SYNE2: variants seen among roughly 807,000 people sequenced by gnomAD.
SYNE2 encodes the protein spectrin repeat containing nuclear envelope protein 2, also known as nesprin-2.
Under a neutral mutation model 856.3 loss-of-function variants are expected in SYNE2, and 431 were observed. That is an observed-to-expected ratio of 0.50 (90% CI 0.47 to 0.55). The LOEUF is 0.55. Ranked by LOEUF, SYNE2 falls within the 20% of genes least tolerant of loss-of-function variation. SYNE2 has a pLI of 0.00. For synonymous variants in SYNE2, 2,923 were observed against 2,872.3 expected, an observed-to-expected ratio of 1.02 and a Z score of -0.56; for missense variants, 8,129 against 8,023.2, an observed-to-expected ratio of 1.01 and a Z score of -0.50.
chr14:63,875,550 C>G (rs1358683466), intron 1 of SYNE2, among the ~76,000 whole-genome samples: 2 of 152,052 alleles, frequency 1.3e-5, no homozygotes, highest in Non-Finnish European at 2.9e-5. Flanking sequence ...CTAGCACGCC[C>G]ATGCTGTTGC....
At position 64,007,099 on chromosome 14, in the gene SYNE2, G is replaced by A; in HGVS notation, c.4454G>A (p.Arg1485Lys). ...KVLDEYEEEK[R>K]HLQEMANSLP... ...CTAGATGAATATGAAGAAGAGAAGA[G>A]ACATTTACAAGAAATGGCTAATTCT... The change falls in exon 31 of 116, where the codon AGA (arginine) becomes AAA (lysine). Residue 1485 changes from arginine (R) to lysine (K), a missense_variant. Around this residue, in one of 3 missense-constraint regions of SYNE2, gnomAD observed 2,422 missense variants for 2,357.4 expected, o/e 1.03. Coordinates refer to ENST00000555002, the MANE Select transcript of SYNE2 (RefSeq NM_182914.3). The A allele has an allele frequency of 1.2e-6, 2 of 1,613,666 alleles. No individual in the cohort carries two copies. The highest frequency in any genetic ancestry group is 1.7e-6 in the Non-Finnish European group (2 of 1,179,656).
chr14:64,001,197 T>G (rs2096752169), intron 28 of SYNE2, among the ~76,000 whole-genome samples: 1 of 152,246 alleles, frequency 6.6e-6, no homozygotes, highest in Non-Finnish European at 1.5e-5. Context: ...TTATTATCAG[T>G]AGTGCCTATT....
chr14:64,168,827 C>T (rs1321522413), intron 92 of SYNE2, 50 bp from the exon 93 acceptor site: 1 of 1,257,986 alleles, frequency 7.9e-7, no homozygotes, highest in Non-Finnish European at 1.2e-6. Context: ...TTCCGAGATT[C>T]ATAAAATGAA....
At chr14:64,193,915 G>C (rs1243741665) in intron 99 of SYNE2, among the ~76,000 whole-genome samples, 2 of 152,176 alleles carry the variant, frequency 1.3e-5, no homozygotes, top group African/African-American at 4.8e-5. Context: ...GCTCAGAGAA[G>C]GTAAATAATT....
At chr14:64,183,771 A>T (rs1567576229) in intron 96 of SYNE2, among the ~76,000 whole-genome samples, 1 of 151,904 alleles carries the variant, frequency 6.6e-6, no homozygotes, top group African/African-American at 2.4e-5. Context: ...CGAAAACCAG[A>T]CAGACGTGGT....
At chr14:64,209,712 C>A in intron 102 of SYNE2, 134 bp downstream of exon 102, 1 of 1,337,556 alleles carries the variant, frequency 7.5e-7, no homozygotes, top group Non-Finnish European at 1.0e-6. Context: ...CACAGCCTGC[C>A]CCCAGCTGCT....
At position 63,998,967 on chromosome 14, in the gene SYNE2, G is replaced by T. The variant is rs770988447; in HGVS notation, c.3407G>T (p.Arg1136Met). Residue 1136 changes from arginine (R) to methionine (M), a missense_variant, in exon 27 of 116, where the codon AGG becomes ATG. Arg to Met is a moderately conservative substitution (Grantham distance 91, BLOSUM62 -1). Transcript: ENST00000555002. ...CACCACCTGCAAAACAACAAATTCA[G>T]GATTACTTCTGATTTCTCTAGTGAA... is the stretch of plus-strand genomic sequence containing the variant. ...LEHHLQNNKF[R>M]ITSDFSSEED... is the part of the protein sequence containing the mutation. 15 of 1,613,954 alleles carry T rather than the reference G, an allele frequency of 9.3e-6. No individual in the cohort carries two copies. The highest frequency in any genetic ancestry group is 6.7e-5 in the African/African-American group (5 of 74,928).
intron 6 of SYNE2, among the ~76,000 whole-genome samples, chr14:63,942,519 G>A (rs1164843720): frequency 2.6e-5 from 4 of 151,186 alleles, no homozygotes; most frequent in Admixed American, 1.3e-4. Flanking sequence ...TTTTGAGGTG[G>A]AGTTTTGCTC....
At chr14:63,780,079 T>C (rs1232147643) in intron 1 of SYNE2, among the ~76,000 whole-genome samples, 2 of 152,164 alleles carry the variant, frequency 1.3e-5, no homozygotes, top group Admixed American at 6.5e-5. Context: ...TATTTTAAAA[T>C]CAATGACATT....
chr14:63,811,986 G>A (rs1224168040), intron 1 of SYNE2, among the ~76,000 whole-genome samples: 1 of 152,154 alleles, frequency 6.6e-6, no homozygotes, highest in Non-Finnish European at 1.5e-5. Flanking sequence ...TCTATGTTCA[G>A]CTATACACGT....
chr14:64,088,512 T>C (rs893136957), intron 58 of SYNE2, among the ~76,000 whole-genome samples: 52 of 152,346 alleles, frequency 3.4e-4, no homozygotes, highest in African/African-American at 1.2e-3. Context: ...GGCTCACGCC[T>C]GTAATCCCAG....
chr14:64,209,632 C>T, intron 102 of SYNE2, 54 bp downstream of exon 102: 1 of 1,606,702 alleles, frequency 6.2e-7, no homozygotes, highest in South Asian at 1.1e-5. Flanking sequence ...TGCAGCGAGC[C>T]TGGGGGCTGC....
At chr14:64,199,010 T>C (rs1215017500) in intron 99 of SYNE2, among the ~76,000 whole-genome samples, 3 of 152,218 alleles carry the variant, frequency 2.0e-5, no homozygotes, top group African/African-American at 7.2e-5. Flanking sequence ...CCTCAGGGTC[T>C]GTGCAGGATC....
chr14:64,174,101 T>C (rs2098423290), intron 94 of SYNE2: 1 of 487,420 alleles, frequency 2.1e-6, no homozygotes, highest in African/African-American at 2.0e-5. Flanking sequence ...AGACAAAGCG[T>C]CACTCTGTCA....
At chr14:63,991,524 C>A (rs893315248) in intron 21 of SYNE2, among the ~76,000 whole-genome samples, 5 of 152,022 alleles carry the variant, frequency 3.3e-5, no homozygotes, top group South Asian at 2.1e-4. Context: ...GTAAAAAAAA[C>A]CATTATTATT....
intron 96 of SYNE2, among the ~76,000 whole-genome samples, chr14:64,183,943 G>T (rs547853257): frequency 1.6e-5 from 2 of 126,590 alleles, no homozygotes; most frequent in East Asian, 5.7e-4. Context: ...AGAGGGAGAC[G>T]TGGAAAGAAG....
intron 38 of SYNE2, chr14:64,023,251 T>TA (rs1010340061): frequency 2.2e-4 from 39 of 180,102 alleles, no homozygotes; most frequent in Middle Eastern, 2.6e-3. Context: ...CTGTCTCAAA[T>TA]AAAAAAGAAA....
At position 63,995,164 on chromosome 14, in the gene SYNE2, C is replaced by T. The variant is rs758515221; in HGVS notation, c.2902C>T (p.Arg968Cys). The T allele has an allele frequency of 4.2e-5, 68 of 1,605,920 alleles. No homozygotes were observed. In the East Asian group the frequency reaches 6.3e-4, roughly 15 times the overall value. ...AATAAATAAAGAAAAGAAACTTATCCGTAGAGGAAGGACCAAGGGTCTCAT... is the reference window on the plus strand; with the variant it reads ...AATAAATAAAGAAAAGAAACTTATCTGTAGAGGAAGGACCAAGGGTCTCAT... ...KQINKEKKLI[R>C]RGRTKGLIKE... Residue 968 changes from arginine (R) to cysteine (C), a missense_variant, in exon 23 of 116, where the codon CGT becomes TGT. By Grantham distance (180) the Arg-to-Cys change is radical. Around this residue, in one of 3 missense-constraint regions of SYNE2, gnomAD observed 2,422 missense variants for 2,357.4 expected, o/e 1.03. Coordinates refer to ENST00000555002, the MANE Select transcript of SYNE2 (RefSeq NM_182914.3).
At chr14:64,117,948 T>C (rs2097864403) in intron 66 of SYNE2, among the ~76,000 whole-genome samples, 2 of 152,154 alleles carry the variant, frequency 1.3e-5, no homozygotes, top group Admixed American at 6.5e-5. Context: ...AATGTATGAA[T>C]TATTTATTTC....
Sources: allele counts gnomAD v4.1 joint callset (sites outside exome capture counted in the v4.1 genomes callset), GRCh38; gene constraint gnomAD v4.1.1; regional missense constraint gnomAD v4.1.1; transcripts MANE v1.5; gene names NCBI Gene and HGNC (gene_info 2026-07-23, HGNC 2026-07-21).